RABGAP1: variants seen among roughly 807,000 people sequenced by gnomAD.
RABGAP1 encodes the protein RAB GTPase activating protein 1.
In RABGAP1, 23 loss-of-function variants were observed where a neutral mutation model predicts 137.6. The observed-to-expected ratio is 0.17, with a 90% CI of 0.12 to 0.24. RABGAP1 has a LOEUF of 0.24. RABGAP1 is among the 10% of genes least tolerant of loss of function. The pLI is 1.00. For missense variants in RABGAP1, 906 were observed against 1,275.8 expected, an observed-to-expected ratio of 0.71 and a Z score of 4.42; for synonymous variants, 451 against 450.7, an observed-to-expected ratio of 1.00 and a Z score of -0.01.
chr9:122,997,835 C>T (rs1373715252), intron 9 of RABGAP1, among the ~76,000 whole-genome samples: 1 of 152,134 alleles, frequency 6.6e-6, no homozygotes, highest in Non-Finnish European at 1.5e-5. Context: ...TTAATAGCTG[C>T]ATATTATCCC....
At chr9:123,082,743 A>G (rs558568638) in intron 19 of RABGAP1, among the ~76,000 whole-genome samples, 2 of 152,356 alleles carry the variant, frequency 1.3e-5, no homozygotes, top group South Asian at 4.1e-4. Flanking sequence ...CCAGACTTCA[A>G]ACTACTTGTA....
intron 1 of RABGAP1, among the ~76,000 whole-genome samples, chr9:122,948,676 A>G (rs1834065107): frequency 6.6e-6 from 1 of 152,110 alleles, no homozygotes; most frequent in South Asian, 2.1e-4. Flanking sequence ...GGGGATTGGG[A>G]GGGAAGTGGT....
intron 21 of RABGAP1, among the ~76,000 whole-genome samples, chr9:123,094,000 A>T (rs971558643): frequency 1.8e-4 from 28 of 152,110 alleles, no homozygotes; most frequent in Admixed American, 1.8e-3. Flanking sequence ...TGCATGTTTT[A>T]ATCTATTTTT....
At chr9:123,086,429 C>T (rs187367069) in intron 19 of RABGAP1, among the ~76,000 whole-genome samples, 4 of 152,298 alleles carry the variant, frequency 2.6e-5, no homozygotes, top group African/African-American at 7.2e-5. Context: ...TTCATAATGT[C>T]ATAGGCAGGC....
At chr9:123,085,252 G>T (rs2034829423) in intron 19 of RABGAP1, among the ~76,000 whole-genome samples, 1 of 152,186 alleles carries the variant, frequency 6.6e-6, no homozygotes, top group African/African-American at 2.4e-5. Flanking sequence ...ACAATGGACA[G>T]GCCTCAGGGG....
upstream of RABGAP1, among the ~76,000 whole-genome samples, chr9:122,936,683 G>T (rs570572298): frequency 9.8e-5 from 15 of 152,330 alleles, no homozygotes; most frequent in South Asian, 3.1e-3. Context: ...GCAGAGGCAG[G>T]TTGCCACTGT....
intron 24 of RABGAP1, 70 bp from the exon 25 acceptor site, chr9:123,101,496 G>A: frequency 1.4e-6 from 2 of 1,419,902 alleles, no homozygotes; most frequent in Non-Finnish European, 1.9e-6. Flanking sequence ...TCCCCCAAAG[G>A]AGATGCTCAC....
chr9:122,964,618 A>G (rs1225900287), intron 2 of RABGAP1, among the ~76,000 whole-genome samples: 2 of 152,222 alleles, frequency 1.3e-5, no homozygotes, highest in Non-Finnish European at 2.9e-5. Context: ...GTAAAATCAT[A>G]CTTGATGGTG....
intron 8 of RABGAP1, 28 bp from the exon 9 acceptor site, chr9:122,997,231 C>T (rs775632027): frequency 3.4e-5 from 52 of 1,537,910 alleles, no homozygotes; most frequent in East Asian, 4.5e-5. Context: ...CTGTGGCATT[C>T]GGGTTTATTT....
At position 123,065,256 on chromosome 9, in the gene RABGAP1, A is replaced by G. The variant is rs963460107; in HGVS notation, c.1795-92A>G. 9.1e-6 allele frequency: 8 copies of G among 881,964 alleles called. No individual in the cohort carries two copies. In the Admixed American group the frequency reaches 1.1e-4, roughly 12 times the overall value. 54.6% of individuals were successfully genotyped at this position (881,964 alleles called of 1,614,324 possible). On this transcript the variant is annotated intron_variant, in intron 13 of 25. Transcript: ENST00000373647. ...GTGTATGTATGTCCCTGCAACATTT[A>G]AAGTGTGTAAATGAGAAGACCTTGC...
chr9:122,980,246 A>G (rs1410698240), intron 2 of RABGAP1, among the ~76,000 whole-genome samples: 1 of 152,174 alleles, frequency 6.6e-6, no homozygotes, highest in African/African-American at 2.4e-5. Context: ...TCTGATCTAT[A>G]CCATTAAGGA....
At chr9:123,026,666 C>T (rs1390711469) in intron 13 of RABGAP1, among the ~76,000 whole-genome samples, 2 of 152,154 alleles carry the variant, frequency 1.3e-5, no homozygotes, top group South Asian at 2.1e-4. Context: ...CATGGCTTCT[C>T]TTACCTCCAG....
At chr9:122,941,396 C>A (rs957729309) in intron 1 of RABGAP1, among the ~76,000 whole-genome samples, 7 of 152,232 alleles carry the variant, frequency 4.6e-5, no homozygotes, top group Non-Finnish European at 8.8e-5. Flanking sequence ...TTTTGGCCCT[C>A]CCTCTGGTCC....
chr9:122,963,865 A>T (rs567839790), intron 2 of RABGAP1, among the ~76,000 whole-genome samples: 2 of 152,234 alleles, frequency 1.3e-5, no homozygotes, highest in Non-Finnish European at 2.9e-5. Flanking sequence ...AACTTTAATT[A>T]GATTAACCAC....
At chr9:123,078,237 A>G (rs187744308) in intron 19 of RABGAP1, among the ~76,000 whole-genome samples, 8 of 152,236 alleles carry the variant, frequency 5.3e-5, no homozygotes, top group Middle Eastern at 3.4e-3. Flanking sequence ...TAAAATGAAT[A>G]GTGGATTAGA....
chr9:123,055,111 T>C (rs1361510214), intron 13 of RABGAP1, among the ~76,000 whole-genome samples: 1 of 152,222 alleles, frequency 6.6e-6, no homozygotes, highest in Non-Finnish European at 1.5e-5. Flanking sequence ...GGGATTCTTC[T>C]GCATGGAGGA....
chr9:123,035,109 T>C (rs2032550241), intron 13 of RABGAP1: 1 of 1,614,074 alleles, frequency 6.2e-7, no homozygotes, highest in Middle Eastern at 1.6e-4. Flanking sequence ...TTCAGTGGTG[T>C]GCGGAGTCCT....
At chr9:123,043,329 A>C (rs1305040415) in intron 13 of RABGAP1, among the ~76,000 whole-genome samples, 3 of 152,226 alleles carry the variant, frequency 2.0e-5, no homozygotes, top group African/African-American at 7.2e-5. Flanking sequence ...CAGTCTAAAT[A>C]GGAGCAGGAA....
the RABGAP1 span, among the ~76,000 whole-genome samples, chr9:122,931,899 G>A: frequency 1.3e-5 from 2 of 152,208 alleles, no homozygotes; most frequent in Non-Finnish European, 2.9e-5. Context: ...TAGCCTAGGG[G>A]TGTAGACTCG....
Sources: gnomAD v4.1 joint callset for allele counts (sites outside exome capture counted in the v4.1 genomes callset) on GRCh38, gnomAD v4.1.1 for gene constraint, MANE v1.5 for transcripts, NCBI Gene and HGNC (gene_info 2026-07-23, HGNC 2026-07-21) for gene names.